SLC45A3: variants seen among roughly 807,000 people sequenced by gnomAD.
SLC45A3 encodes the protein prostate cancer associated protein 2.
In SLC45A3, 17 loss-of-function variants were observed where a neutral mutation model predicts 35.3. The ratio of observed to expected loss-of-function variants is 0.48; its 90% confidence interval spans 0.33 to 0.72. The LOEUF (loss-of-function observed/expected upper bound fraction) is 0.72, where lower values mean the gene tolerates loss of function less well. Among genes scored for constraint, SLC45A3 ranks in the 30% least tolerant of loss-of-function variants. The pLI is 0.02. For synonymous variants in SLC45A3, 288 were observed against 334.3 expected (o/e 0.86, Z 1.51); for missense variants, 597 against 731.7 (o/e 0.82, Z 2.12).
chr1:205,668,835 A>C (rs1671159674), intron 1 of SLC45A3, among the ~76,000 whole-genome samples: 1 of 152,116 alleles, frequency 6.6e-6, no homozygotes, highest in African/African-American at 2.4e-5. Context: ...AGGAAACCTA[A>C]GGCCTCTGGG....
rs541145607 is a variant in SLC45A3 at position 205,659,841 on chromosome 1, G to T, written c.1225-170C>A. ...CCCTACTTGGTCCAAGTCTAACCAGGACCCTTCCTCAGGAGTGGGAGAAGG... is the reference window on the plus strand; with the variant it reads ...CCCTACTTGGTCCAAGTCTAACCAGTACCCTTCCTCAGGAGTGGGAGAAGG... On this transcript the variant is annotated intron_variant, in intron 4 of 4. Coordinates refer to ENST00000367145, the MANE Select transcript of SLC45A3 (RefSeq NM_033102.3). This position sits in a 1 kb window ranked among gnomAD's most constrained non-coding sequence, Gnocchi z 5.8. Among the ~76,000 whole-genome samples the T allele has an allele frequency of 2.0e-5, 3 of 152,274 alleles. No homozygotes were observed. The highest frequency in any genetic ancestry group is 7.2e-5 in the African/African-American group (3 of 41,550).
Position 205,664,075 on chromosome 1 carries a change from C to T in SLC45A3, c.172+410G>A, listed in dbSNP as rs1384726736. Among the ~76,000 whole-genome samples the T allele has an allele frequency of 6.6e-6, 1 of 152,160 alleles. No homozygotes were observed. Among genetic ancestry groups the T allele is most frequent in the Non-Finnish European group, 1.5e-5 (1 of 68,032 alleles). On this transcript the variant is annotated intron_variant, in intron 2 of 4. Coordinates refer to ENST00000367145, the MANE Select transcript of SLC45A3 (RefSeq NM_033102.3). The surrounding 1 kb of genome is among the most constrained non-coding windows in gnomAD (Gnocchi z 5.3). ...GGGAGACCTTGATGGAGTCCCAGCT[C>T]TACTGTTCAGCTGCTATTTGGCTTT...
intron 1 of SLC45A3, among the ~76,000 whole-genome samples, chr1:205,678,550 C>A (rs1252397467): frequency 2.0e-5 from 3 of 152,162 alleles, no homozygotes; most frequent in African/African-American, 7.2e-5. Context: ...CACCAGGGAT[C>A]ACTGTCTACT....
At chr1:205,674,233 T>C (rs973257909) in intron 1 of SLC45A3, among the ~76,000 whole-genome samples, 1 of 151,366 alleles carries the variant, frequency 6.6e-6, no homozygotes, top group South Asian at 2.1e-4. Flanking sequence ...GATCCCTTTT[T>C]CCTCCCTATC....
In SLC45A3 at chr1:205,658,533, A is replaced by G. The variant is rs1670961903; in HGVS notation, c.*701T>C. ...TATTAGACACCAACACAGAAAAGCT[A>G]GCAATGGATTCCCTTCTACTTTGTT... On this transcript the variant is annotated 3_prime_UTR_variant, in exon 5 of 5. Coordinates refer to ENST00000367145, the MANE Select transcript of SLC45A3 (RefSeq NM_033102.3). 1 of 233,018 alleles carries G rather than the reference A, an allele frequency of 4.3e-6. No homozygotes were observed. The highest frequency in any genetic ancestry group is 1.3e-3 in the Middle Eastern group (1 of 786). The allele number at this position is 233,018 out of a possible 1,614,324, so 14.4% of individuals were successfully genotyped here.
Position 205,662,897 on chromosome 1 carries a change from C to T in SLC45A3, c.894G>A (p.Glu298=), listed in dbSNP as rs764127087. 1 of 1,612,824 alleles carries T rather than the reference C, an allele frequency of 6.2e-7. No individual in the cohort carries two copies. ...FTLFYTDFVG[E]GLYQGVPRAE... is the part of the protein sequence containing the mutation. ...CTCTGGGCACGCCCTGGTACAGCCC[C>T]TCGCCCACGAAATCCGTGTAAAACA... Residue 298 remains glutamate, a synonymous_variant, in exon 3 of 5, where the codon GAG becomes GAA. Coordinates refer to ENST00000367145, the MANE Select transcript of SLC45A3 (RefSeq NM_033102.3). This position sits in a 1 kb window ranked among gnomAD's most constrained non-coding sequence, Gnocchi z 6.2.
Position 205,664,519 on chromosome 1 carries a change from C to T in SLC45A3, c.138G>A (p.Val46=), listed in dbSNP as rs767293846. Residue 46 remains valine, a synonymous_variant, in exon 2 of 5, where the codon GTG becomes GTA. Coordinates refer to ENST00000367145, the MANE Select transcript of SLC45A3 (RefSeq NM_033102.3). The surrounding 1 kb of genome is among the most constrained non-coding windows in gnomAD (Gnocchi z 5.3). ...TGGTCATGAACTTCTCCTCTACCCC[C>T]ACTTCCAGCAGCAGAGGCGGCACAT... ...ITYVPPLLLE[V]GVEEKFMTMV... is the part of the protein sequence containing the mutation. 1 of 1,614,220 alleles carries T rather than the reference C, an allele frequency of 6.2e-7. No individual in the cohort carries two copies. Among genetic ancestry groups the T allele is most frequent in the Non-Finnish European group, 8.5e-7 (1 of 1,180,032 alleles).
Position 205,659,403 on chromosome 1 carries a change from G to A in SLC45A3, c.1493C>T (p.Ala498Val), listed in dbSNP as rs1670977857. 6.2e-7 allele frequency: 1 copy of A among 1,614,068 alleles called. No homozygotes were observed. Among genetic ancestry groups the A allele is most frequent in the African/African-American group, 1.3e-5 (1 of 74,922 alleles). The change falls in exon 5 of 5, where the codon GCC becomes GTC. Residue 498 changes from alanine to valine, a missense_variant. Around this residue, in one of 3 missense-constraint regions of SLC45A3, gnomAD observed 555 missense variants for 664.9 expected, o/e 0.83. Transcript: ENST00000367145. The surrounding 1 kb of genome is among the most constrained non-coding windows in gnomAD (Gnocchi z 5.8). ...ICLDLAILDS[A>V]FLLSQVAPSL... ...TGGGGCCACCTGGGACAGCAGGAAG[G>A]CACTATCCAGGATGGCGAGGTCCAG...
intron 1 of SLC45A3, among the ~76,000 whole-genome samples, chr1:205,668,211 G>A (rs1452367856): frequency 6.6e-6 from 1 of 152,076 alleles, no homozygotes; most frequent in South Asian, 2.1e-4. Flanking sequence ...ATCCTTGCAT[G>A]CTTTCCAGTG....
At chr1:205,665,852 A>G (rs1409813194) in intron 1 of SLC45A3, among the ~76,000 whole-genome samples, 1 of 152,160 alleles carries the variant, frequency 6.6e-6, no homozygotes, top group African/African-American at 2.4e-5. Context: ...CTTCCCGACA[A>G]TACAGCCATT....
chr1:205,669,473 T>C lies in SLC45A3; in HGVS notation c.-230-4587A>G, dbSNP rs1305353695. On this transcript the variant is annotated intron_variant, in intron 1 of 4. Transcript: ENST00000367145. The surrounding 1 kb of genome is among the most constrained non-coding windows in gnomAD (Gnocchi z 4.1). ...TCAAAGGGGCTTCTGCCACCCCGCA[T>C]GGCTGAGGTGGAGCTGGGGGAGCAG... is the stretch of plus-strand genomic sequence containing the variant. 6.6e-6 allele frequency among the ~76,000 whole-genome samples: 1 copy of C among 151,964 alleles called. No individual in the cohort carries two copies. Among genetic ancestry groups the C allele is most frequent in the East Asian group, 1.9e-4 (1 of 5,162 alleles).
chr1:205,677,215 C>T (rs1671328049), intron 1 of SLC45A3, among the ~76,000 whole-genome samples: 1 of 152,172 alleles, frequency 6.6e-6, no homozygotes, highest in Admixed American at 6.5e-5. Flanking sequence ...ATAGAAGTCA[C>T]ACAGTAGCAG....
intron 1 of SLC45A3, among the ~76,000 whole-genome samples, chr1:205,667,249 T>C (rs779899249): frequency 7.2e-5 from 11 of 152,190 alleles, no homozygotes; most frequent in Non-Finnish European, 1.6e-4. Context: ...CTCATGCCTG[T>C]AATCCCAGCA....
Position 205,659,669 on chromosome 1 carries a change from C to A in SLC45A3, c.1227G>T (p.Val409=). 1.3e-6 allele frequency: 2 copies of A among 1,523,160 alleles called. No individual in the cohort carries two copies. Among genetic ancestry groups the A allele is most frequent in the Non-Finnish European group, 1.8e-6 (2 of 1,137,340 alleles). 94.4% of individuals were successfully genotyped at this position (1,523,160 alleles called of 1,614,324 possible). ...TGTCCCCTCGGTATTTGGGCAGGAA[C>A]ACCTAAGGCAGAGGGGTGAAGAAAA... ...LASLYHREKQ[V]FLPKYRGDTG... is the part of the protein sequence containing the mutation. Residue 409 remains valine, a splice_region_variant and synonymous_variant, in exon 5 of 5, where the codon GTG becomes GTT. Coordinates refer to ENST00000367145, the MANE Select transcript of SLC45A3 (RefSeq NM_033102.3). The surrounding 1 kb of genome is among the most constrained non-coding windows in gnomAD (Gnocchi z 5.8).
rs1273932290 is a variant in SLC45A3, at chr1:205,658,471, G to A, written c.*763C>T. The stretch of plus-strand genomic sequence containing the variant: ...TCAGCCCAATGACCAGCTATCTCAG[G>A]GGACCTGATTGTTGGGGATCCCCCA... On this transcript the variant is annotated 3_prime_UTR_variant, in exon 5 of 5. Coordinates refer to ENST00000367145, the MANE Select transcript of SLC45A3 (RefSeq NM_033102.3). The A allele has an allele frequency of 4.3e-6, 1 of 233,220 alleles. No homozygotes were observed. 14.4% of individuals were successfully genotyped at this position (233,220 alleles called of 1,614,324 possible). A position where few individuals can be genotyped will look rare whatever the true frequency, so the allele number is the denominator to read the frequency against.
Position 205,664,715 on chromosome 1 carries a change from T to C in SLC45A3, c.-59A>G. ...TCAGGCACTCCAGAACTGCTTCGTC[T>C]CGGCTCTGCTCCAGAAGCTGCGGCC... On this transcript the variant is annotated 5_prime_UTR_variant, in exon 2 of 5. Transcript: ENST00000367145. This position sits in a 1 kb window ranked among gnomAD's most constrained non-coding sequence, Gnocchi z 5.3. The C allele has an allele frequency of 6.3e-7, 1 of 1,577,256 alleles. No homozygotes were observed. The highest frequency in any genetic ancestry group is 1.2e-5 in the South Asian group (1 of 86,684).
In SLC45A3 at chr1:205,669,421, G is replaced by C. The variant is rs938211890; in HGVS notation, c.-230-4535C>G. Among the ~76,000 whole-genome samples, 2 of 152,176 alleles carry C rather than the reference G, an allele frequency of 1.3e-5. No individual in the cohort carries two copies. The highest frequency in any genetic ancestry group is 6.5e-5 in the Admixed American group (1 of 15,286). On this transcript the variant is annotated intron_variant, in intron 1 of 4. Coordinates refer to ENST00000367145, the MANE Select transcript of SLC45A3 (RefSeq NM_033102.3). The surrounding 1 kb of genome is among the most constrained non-coding windows in gnomAD (Gnocchi z 4.1). Reference sequence around the variant, plus strand: ...CTAAGGGAAGGGAGGGTCAGAGGGGGATGTATAAAGAGGTCTTTGAGGGCT... The same window carrying C: ...CTAAGGGAAGGGAGGGTCAGAGGGGCATGTATAAAGAGGTCTTTGAGGGCT...
intron 1 of SLC45A3, among the ~76,000 whole-genome samples, chr1:205,680,031 T>TCGGCCCGGCCCGGCC (rs11281161): frequency 3.1e-4 from 46 of 147,792 alleles, no homozygotes; most frequent in Non-Finnish European, 5.3e-4. Context: ...CCGCCAGCCG[T>TCGGCCCGGCCCGGCC]CGGCCCGGCC....
Position 205,659,419 on chromosome 1 carries a change from C to T in SLC45A3, c.1477G>A (p.Ala493Thr), listed in dbSNP as rs376079634. 13 of 1,614,118 alleles carry T rather than the reference C, an allele frequency of 8.1e-6. No individual in the cohort carries two copies. Among genetic ancestry groups the T allele is most frequent in the South Asian group, 7.7e-5 (7 of 91,078 alleles). Residue 493 changes from alanine (A) to threonine (T), a missense_variant, in exon 5 of 5, where the codon GCC (alanine) becomes ACC (threonine). By Grantham distance (58) the Ala-to-Thr change is moderately conservative (BLOSUM62 0). Coordinates refer to ENST00000367145, the MANE Select transcript of SLC45A3 (RefSeq NM_033102.3). The surrounding 1 kb of genome is among the most constrained non-coding windows in gnomAD (Gnocchi z 5.8). ...VPGRGICLDL[A>T]ILDSAFLLSQ... ...AGCAGGAAGGCACTATCCAGGATGG[C>T]GAGGTCCAGGCAGATGCCCCGGCCC...
Sources: gnomAD v4.1 joint callset for allele counts (sites outside exome capture counted in the v4.1 genomes callset) on GRCh38, gnomAD v4.1.1 for gene constraint, gnomAD v4.1.1 regional missense constraint, Gnocchi (gnomAD v3.1) non-coding constraint, MANE v1.5 for transcripts, NCBI Gene and HGNC (gene_info 2026-07-23, HGNC 2026-07-21) for gene names.